Variants in ADAMTS2 observed in about 807,000 individuals in gnomAD.
ADAMTS2 encodes ADAM metallopeptidase with thrombospondin type 1 motif 2, also known as A disintegrin and metalloproteinase with thrombospondin motifs 2.
A neutral mutation model predicts 123.0 loss-of-function variants in ADAMTS2; 50 were observed. The observed-to-expected ratio is 0.41, with a 90% CI of 0.32 to 0.51. The LOEUF is 0.51. ADAMTS2 is among the 20% of genes least tolerant of loss of function. The pLI is 0.35. For missense variants in ADAMTS2, 1,494 were observed against 1,705.2 expected (o/e 0.88, Z 2.18); for synonymous variants, 678 against 695.4 (o/e 0.98, Z 0.39).
In ADAMTS2 at chr5:179,238,712, G is replaced by A. The variant is rs1327784957; in HGVS notation, c.689-30997C>T. Among the ~76,000 whole-genome samples the A allele has an allele frequency of 3.3e-5, 5 of 152,164 alleles. No homozygotes were observed. In the East Asian group the frequency reaches 5.8e-4, roughly 18 times the overall value. On this transcript the variant is annotated intron_variant, in intron 3 of 21. Transcript: ENST00000251582. ...GAGTGAGAAGGAAAATGGAGGCCAC[G>A]GGGTCCCAGGGCGAGGCGCTGGGTC... is the stretch of plus-strand genomic sequence containing the variant.
At chr5:179,206,734 G>A (rs762393980) in intron 4 of ADAMTS2, among the ~76,000 whole-genome samples, 2 of 152,204 alleles carry the variant, frequency 1.3e-5, no homozygotes, top group Non-Finnish European at 2.9e-5. Flanking sequence ...GACCACATGA[G>A]GCAGAGAGAG....
chr5:179,129,967 T>G lies in ADAMTS2; in HGVS notation c.2422A>C (p.Thr808Pro). 2 of 1,613,980 alleles carry G rather than the reference T, an allele frequency of 1.2e-6. No individual in the cohort carries two copies. Among genetic ancestry groups the G allele is most frequent in the Non-Finnish European group, 1.7e-6 (2 of 1,180,016 alleles). ...RDEDGRETLQTMGPLHGTITV... is the reference protein window; with the variant it reads ...RDEDGRETLQPMGPLHGTITV... ...ATGGTGCCGTGGAGGGGGCCCATGG[T>G]CTGCAGCGTCTCCCGGCCGTCCTCG... The change falls in exon 16 of 22, where the codon ACC becomes CCC. Residue 808 changes from threonine (T) to proline (P), a missense_variant. This residue lies in a region of ADAMTS2 where 953 missense variants were observed against 1,124.7 expected (regional missense o/e 0.85). Transcript: ENST00000251582. The surrounding 1 kb of genome is among the most constrained non-coding windows in gnomAD (Gnocchi z 4.1).
chr5:179,239,500 C>T (rs1213008452), intron 3 of ADAMTS2, among the ~76,000 whole-genome samples: 1 of 151,992 alleles, frequency 6.6e-6, no homozygotes, highest in Non-Finnish European at 1.5e-5. Context: ...TAGAGAAATG[C>T]CTTGGAACTT....
intron 2 of ADAMTS2, among the ~76,000 whole-genome samples, chr5:179,281,544 A>G (rs1028036147): frequency 6.6e-6 from 1 of 152,250 alleles, no homozygotes; most frequent in Admixed American, 6.5e-5. Flanking sequence ...ATTGTCAAAT[A>G]ATACCCCATC....
At chr5:179,154,995 G>A (rs1047177512) in intron 6 of ADAMTS2, 76 bp from the exon 7 acceptor site, 4 of 1,341,694 alleles carry the variant, frequency 3.0e-6, no homozygotes, top group Non-Finnish European at 4.2e-6. Flanking sequence ...TAACTCCCAG[G>A]CGCTGCTTCT....
At chr5:179,203,913 A>G (rs1332663857) in intron 4 of ADAMTS2, among the ~76,000 whole-genome samples, 1 of 152,184 alleles carries the variant, frequency 6.6e-6, no homozygotes, top group Non-Finnish European at 1.5e-5. Flanking sequence ...TCACGGCAGC[A>G]CTATTCACAG....
At chr5:179,276,051 C>T (rs1581238678) in intron 2 of ADAMTS2, among the ~76,000 whole-genome samples, 1 of 152,078 alleles carries the variant, frequency 6.6e-6, no homozygotes, top group Non-Finnish European at 1.5e-5. Flanking sequence ...GGGAGGAGAG[C>T]GGAAGAGGGG....
intron 10 of ADAMTS2, among the ~76,000 whole-genome samples, chr5:179,140,797 C>T (rs935981338): frequency 1.4e-4 from 9 of 63,938 alleles, no homozygotes; most frequent in Non-Finnish European, 3.2e-5. Flanking sequence ...CGACTGCATG[C>T]TCTTTTTTTT....
intron 2 of ADAMTS2, among the ~76,000 whole-genome samples, chr5:179,311,693 A>G (rs1023456388): frequency 4.6e-5 from 7 of 152,040 alleles, no homozygotes; most frequent in Admixed American, 2.0e-4. Flanking sequence ...GAATCATGTT[A>G]GGTGAGTTTA....
intron 3 of ADAMTS2, among the ~76,000 whole-genome samples, chr5:179,235,599 T>C (rs1174940450): frequency 6.6e-6 from 1 of 152,204 alleles, no homozygotes; most frequent in Non-Finnish European, 1.5e-5. Flanking sequence ...TGTTCCCACC[T>C]AGTCCCAAGC....
intron 2 of ADAMTS2, among the ~76,000 whole-genome samples, chr5:179,300,089 C>A (rs1221095793): frequency 9.6e-6 from 1 of 103,644 alleles, no homozygotes; most frequent in Non-Finnish European, 1.9e-5. Context: ...AGTGAGACTC[C>A]GTCTCAAAAA....
intron 2 of ADAMTS2, among the ~76,000 whole-genome samples, chr5:179,318,762 G>A (rs1757073518): frequency 6.6e-6 from 1 of 152,044 alleles, no homozygotes; most frequent in African/African-American, 2.4e-5. Context: ...TCCCCTGGGG[G>A]AAACACTGAT....
intron 3 of ADAMTS2, among the ~76,000 whole-genome samples, chr5:179,209,562 G>GCACACACACACGCACACACA (rs1334725355): frequency 1.8e-5 from 2 of 112,790 alleles, no homozygotes; most frequent in South Asian, 6.3e-4. Context: ...ACACACACAA[G>GCACACACACACGCACACACA]CACACACATG....
chr5:179,299,865 CG>C, intron 2 of ADAMTS2, among the ~76,000 whole-genome samples: 1 of 151,702 alleles, frequency 6.6e-6, no homozygotes, highest in African/African-American at 2.4e-5. Context: ...GAGGCTGAGG[CG>C]GGCGGATCAC....
chr5:179,140,990 T>A (rs967915052), intron 10 of ADAMTS2, among the ~76,000 whole-genome samples: 23 of 150,734 alleles, frequency 1.5e-4, no homozygotes, highest in African/African-American at 4.9e-4. Context: ...TTTTTTTTTA[T>A]TTTTAGTAGA....
At chr5:179,271,113 T>C (rs1188000630) in intron 3 of ADAMTS2, among the ~76,000 whole-genome samples, 2 of 152,192 alleles carry the variant, frequency 1.3e-5, no homozygotes, top group East Asian at 3.9e-4. Flanking sequence ...TTTCCTGTGT[T>C]CTGAATTTCA....
At chr5:179,221,882 C>T (rs1765135677) in intron 3 of ADAMTS2, among the ~76,000 whole-genome samples, 1 of 152,142 alleles carries the variant, frequency 6.6e-6, no homozygotes, top group South Asian at 2.1e-4. Flanking sequence ...CTGCTCCAGC[C>T]CCCCATGGGG....
At chr5:179,192,870 A>G (rs1442729657) in intron 4 of ADAMTS2, among the ~76,000 whole-genome samples, 1 of 152,052 alleles carries the variant, frequency 6.6e-6, no homozygotes, top group Non-Finnish European at 1.5e-5. Flanking sequence ...CTAGGCAGGG[A>G]CTGTTCTGCA....
chr5:179,313,704 G>A (rs781342), intron 2 of ADAMTS2, among the ~76,000 whole-genome samples: 8 of 15,184 alleles, frequency 5.3e-4, no homozygotes, highest in Non-Finnish European at 9.3e-4. Context: ...ATTCACACTC[G>A]TGCACACACA....
Sources: allele counts gnomAD v4.1 joint callset (sites outside exome capture counted in the v4.1 genomes callset), GRCh38; gene constraint gnomAD v4.1.1; regional missense constraint gnomAD v4.1.1; non-coding constraint Gnocchi (gnomAD v3.1); transcripts MANE v1.5; gene names NCBI Gene and HGNC (gene_info 2026-07-23, HGNC 2026-07-21).